ATG2B: variants seen among roughly 807,000 people sequenced by gnomAD.
ATG2B encodes autophagy related 2B, also known as autophagy-related protein 2 homolog B.
Under a neutral mutation model 241.3 loss-of-function variants are expected in ATG2B, and 121 were observed. That is an observed-to-expected ratio of 0.50 (90% CI 0.43 to 0.58). The LOEUF (loss-of-function observed/expected upper bound fraction) is 0.58. Among genes scored for constraint, ATG2B ranks in the 20% least tolerant of loss-of-function variants. ATG2B has a pLI of 0.00. For synonymous variants in ATG2B, 858 were observed against 876.6 expected, an observed-to-expected ratio of 0.98 and a Z score of 0.37; for missense variants, 2,306 against 2,491.6, an observed-to-expected ratio of 0.93 and a Z score of 1.59.
chr14:96,327,692 C>T (rs1418969219), intron 14 of ATG2B, among the ~76,000 whole-genome samples: 1 of 152,120 alleles, frequency 6.6e-6, no homozygotes, highest in Admixed American at 6.6e-5. Context: ...ATATTTCTCG[C>T]CATTCTTTTT....
At chr14:96,301,616 CATT>C (rs1404382710) in intron 34 of ATG2B, among the ~76,000 whole-genome samples, 1 of 152,194 alleles carries the variant, frequency 6.6e-6, no homozygotes, top group Non-Finnish European at 1.5e-5. Flanking sequence ...ACTCATTTGT[CATT>C]TTGCCCAGCA....
In ATG2B at chr14:96,328,759, G is replaced by T; in HGVS notation, c.1889C>A (p.Thr630Lys). 6.2e-7 allele frequency: 1 copy of T among 1,606,428 alleles called. No individual in the cohort carries two copies. Among genetic ancestry groups the T allele is most frequent in the Non-Finnish European group, 8.5e-7 (1 of 1,175,350 alleles). ...ACCAGTTTCTTCTTTGGAATGGAAC[G>T]TTAAAAGCTTAAAAGTAAAGATGAA... is the stretch of plus-strand genomic sequence containing the variant. The part of the protein sequence containing the change: ...SVPPHYTELL[T>K]FHSKEETGSH... Residue 630 changes from threonine (T) to lysine (K), a missense_variant, in exon 13 of 42, where the codon ACG becomes AAG. This residue lies in a region of ATG2B where 1,927 missense variants were observed against 2,011.2 expected (regional missense o/e 0.96). Transcript: ENST00000359933.
At chr14:96,313,273 T>C in intron 24 of ATG2B, 56 bp downstream of exon 24, 1 of 1,433,092 alleles carries the variant, frequency 7.0e-7, no homozygotes, top group South Asian at 1.3e-5. Context: ...TGTATTTTTT[T>C]CAAAATTTAG....
chr14:96,325,553 A>T, intron 15 of ATG2B, 96 bp downstream of exon 15: 1 of 1,112,334 alleles, frequency 9.0e-7, no homozygotes. Flanking sequence ...TAATTGTACT[A>T]TATTGCAGGG....
intron 15 of ATG2B, among the ~76,000 whole-genome samples, chr14:96,324,442 T>C (rs1595312321): frequency 6.6e-6 from 1 of 152,288 alleles, no homozygotes; most frequent in South Asian, 2.1e-4. Flanking sequence ...TCCCAGCATT[T>C]GGGAGGCTGA....
chr14:96,317,865 C>T lies in ATG2B; in HGVS notation c.2880-10G>A. The T allele has an allele frequency of 1.3e-6, 2 of 1,565,172 alleles. No homozygotes were observed. Among genetic ancestry groups the T allele is most frequent in the South Asian group, 2.4e-5 (2 of 82,012 alleles). On this transcript the variant is annotated splice_polypyrimidine_tract_variant and intron_variant, in intron 18 of 41. Transcript: ENST00000359933. The stretch of plus-strand genomic sequence containing the variant: ...CAAGTCATTAAAGATCCTATAAAGA[C>T]AAAAGTTGAAAAATAAGTACTTAAC...
At chr14:96,347,493 T>C (rs1171901740) in intron 1 of ATG2B, 152 bp from the exon 2 acceptor site, 5 of 536,606 alleles carry the variant, frequency 9.3e-6, no homozygotes, top group Admixed American at 3.2e-5. Flanking sequence ...AAAGCAAAAG[T>C]GGACAAATGC....
At chr14:96,315,116 T>G in intron 23 of ATG2B, 38 bp downstream of exon 23, 2 of 1,508,690 alleles carry the variant, frequency 1.3e-6, no homozygotes, top group Non-Finnish European at 1.8e-6. Context: ...CAACACAAAT[T>G]TTTAAATAAA....
At position 96,363,179 on chromosome 14, in the gene ATG2B, G is replaced by A. The variant is rs370370783; in HGVS notation, c.-203C>T. 33 of 579,068 alleles carry A rather than the reference G, an allele frequency of 5.7e-5. No homozygotes were observed. Among genetic ancestry groups the A allele is most frequent in the East Asian group, 3.3e-4 (11 of 33,028 alleles). 35.9% of individuals were successfully genotyped at this position (579,068 alleles called of 1,614,324 possible). A position where few individuals can be genotyped will look rare whatever the true frequency, so the allele number is the denominator to read the frequency against. On this transcript the variant is annotated 5_prime_UTR_variant, in exon 1 of 42. Transcript: ENST00000359933. ...GGGCCTGGCGGAGGCAAGACGCAGA[G>A]GGGTCCTCCTGGCCCCAGGCCAGGG... is the stretch of plus-strand genomic sequence containing the variant.
At position 96,292,064 on chromosome 14, in the gene ATG2B, G is replaced by C; in HGVS notation, c.5461C>G (p.Leu1821Val). 6.3e-7 allele frequency: 1 copy of C among 1,599,508 alleles called. No homozygotes were observed. The highest frequency in any genetic ancestry group is 8.5e-7 in the Non-Finnish European group (1 of 1,172,712). ...GATACATGTTTGCCATGATAATCAA[G>C]TCGAATGGGAACTTCTGACGTGAAT... is the stretch of plus-strand genomic sequence containing the variant. ...FRFTSEVPIRLDYHGKHVSMD... is the reference protein window; with the variant it reads ...FRFTSEVPIRVDYHGKHVSMD... The change falls in exon 37 of 42, where the codon CTT becomes GTT. Residue 1821 changes from leucine to valine, a missense_variant. This residue lies in a region of ATG2B where 379 missense variants were observed against 480.4 expected (regional missense o/e 0.79). Coordinates refer to ENST00000359933, the MANE Select transcript of ATG2B (RefSeq NM_018036.7).
intron 41 of ATG2B, among the ~76,000 whole-genome samples, chr14:96,287,885 G>A (rs1886381931): frequency 6.6e-6 from 1 of 152,134 alleles, no homozygotes; most frequent in Non-Finnish European, 1.5e-5. Flanking sequence ...AGTCTACCCT[G>A]CAGCCTAGTC....
At position 96,322,176 on chromosome 14, in the gene ATG2B, G is replaced by A; in HGVS notation, c.2815C>T (p.Leu939Phe). ...AISNSHYVLE[L>F]TLPNIYVTLP... ...GTTACATAAATATTTGGTAACGTAA[G>A]TTCCAGCACATAGTGAGAATTGCTG... Residue 939 changes from leucine to phenylalanine, a missense_variant, in exon 18 of 42, where the codon CTT becomes TTT. Physicochemically the swap from Leu to Phe is conservative, Grantham distance 22 (BLOSUM62 0). Coordinates refer to ENST00000359933, the MANE Select transcript of ATG2B (RefSeq NM_018036.7). The A allele has an allele frequency of 6.3e-7, 1 of 1,583,744 alleles. No homozygotes were observed. The highest frequency in any genetic ancestry group is 8.5e-7 in the Non-Finnish European group (1 of 1,170,092).
intron 6 of ATG2B, 114 bp downstream of exon 6, chr14:96,341,408 A>C (rs1888030987): frequency 1.3e-6 from 1 of 761,250 alleles, no homozygotes; most frequent in African/African-American, 1.8e-5. Context: ...CGGTGACAGC[A>C]GTACACTAGT....
rs1341021828 is a variant in ATG2B at position 96,341,686 on chromosome 14, G to A, written c.760C>T (p.Leu254Phe). 1.3e-6 allele frequency: 2 copies of A among 1,573,590 alleles called. No homozygotes were observed. Among genetic ancestry groups the A allele is most frequent in the Admixed American group, 1.8e-5 (1 of 56,560 alleles). ...STAPVETEPK[L>F]SPSWNPKIIY... is the part of the protein sequence containing the mutation. ...ATTTTGGGGTTCCAGCTAGGTGAGA[G>A]CTTTGGCTCAGTTTCCTACAATAAA... The change falls in exon 6 of 42, where the codon CTC becomes TTC. Residue 254 changes from leucine (L) to phenylalanine (F), a missense_variant. Around this residue, in one of 2 missense-constraint regions of ATG2B, gnomAD observed 1,927 missense variants for 2,011.2 expected, o/e 0.96. Coordinates refer to ENST00000359933, the MANE Select transcript of ATG2B (RefSeq NM_018036.7).
intron 28 of ATG2B, among the ~76,000 whole-genome samples, chr14:96,310,259 C>T (rs1262076409): frequency 2.0e-5 from 3 of 152,058 alleles, no homozygotes; most frequent in South Asian, 2.1e-4. Context: ...ATCACCTTAT[C>T]GTGAGAATAC....
At chr14:96,310,980 C>A in intron 28 of ATG2B, 137 bp downstream of exon 28, 2 of 711,178 alleles carry the variant, frequency 2.8e-6, no homozygotes, top group Non-Finnish European at 2.1e-6. Flanking sequence ...CGTTTCAGAC[C>A]CCATTATTCT....
In ATG2B at chr14:96,305,821, A is replaced by G. The variant is rs1414926227; in HGVS notation, c.4507-6T>C. 1 of 1,607,152 alleles carries G rather than the reference A, an allele frequency of 6.2e-7. No homozygotes were observed. Among genetic ancestry groups the G allele is most frequent in the Non-Finnish European group, 8.5e-7 (1 of 1,173,794 alleles). On this transcript the variant is annotated splice_polypyrimidine_tract_variant and splice_region_variant and intron_variant, in intron 30 of 41. Coordinates refer to ENST00000359933, the MANE Select transcript of ATG2B (RefSeq NM_018036.7). ...ACTGGTTCTTCTTCCTTCTCCTAAAATAAACAAACAGGTAACACATACTCT... is the reference window on the plus strand; with the variant it reads ...ACTGGTTCTTCTTCCTTCTCCTAAAGTAAACAAACAGGTAACACATACTCT...
At chr14:96,294,823 G>T in intron 36 of ATG2B, 137 bp downstream of exon 36, 2 of 742,302 alleles carry the variant, frequency 2.7e-6, no homozygotes, top group South Asian at 1.9e-5. Flanking sequence ...ACCACAAACA[G>T]ATAAATACAC....
intron 1 of ATG2B, among the ~76,000 whole-genome samples, chr14:96,355,778 T>G (rs1178682797): frequency 6.6e-6 from 1 of 152,220 alleles, no homozygotes; most frequent in Non-Finnish European, 1.5e-5. Flanking sequence ...ATATTTCTTC[T>G]TAATACGTAA....
Sources: allele counts gnomAD v4.1 joint callset (sites outside exome capture counted in the v4.1 genomes callset), GRCh38; gene constraint gnomAD v4.1.1; regional missense constraint gnomAD v4.1.1; transcripts MANE v1.5; gene names NCBI Gene and HGNC (gene_info 2026-07-23, HGNC 2026-07-21).